The following ATR variants were observed in gnomAD, a reference collection of about 807,000 sequenced individuals.
ATR encodes serine/threonine-protein kinase ATR.
In ATR, 142 loss-of-function variants were observed where a neutral mutation model predicts 305.3. That is an observed-to-expected ratio of 0.47 (90% CI 0.41 to 0.53). The LOEUF (loss-of-function observed/expected upper bound fraction) is 0.53. ATR is among the 20% of genes least tolerant of loss of function. The pLI is 0.00. For missense variants in ATR, 2,135 were observed against 3,133.1 expected (o/e 0.68, Z 7.60); for synonymous variants, 1,050 against 1,068.1 (o/e 0.98, Z 0.33).
intron 36 of ATR, among the ~76,000 whole-genome samples, chr3:142,484,438 C>T (rs185871934): frequency 8.7e-4 from 133 of 152,304 alleles, no homozygotes; most frequent in Non-Finnish European, 1.7e-3. Flanking sequence ...ACCTCATCCA[C>T]GTGCCAGGAG....
intron 2 of ATR, 147 bp downstream of exon 2, chr3:142,567,916 C>T (rs1273442872): frequency 6.1e-6 from 4 of 658,226 alleles, no homozygotes; most frequent in African/African-American, 5.5e-5. Flanking sequence ...ATAAGCAATA[C>T]TGATTAACAA....
At chr3:142,549,849 C>T (rs1485818126) in intron 14 of ATR, among the ~76,000 whole-genome samples, 176 bp from the exon 15 acceptor site, 1 of 152,022 alleles carries the variant, frequency 6.6e-6, no homozygotes, top group Non-Finnish European at 1.5e-5. Context: ...TTTATTATTC[C>T]AACACCTTAG....
chr3:142,542,852 CCTAA>C, intron 16 of ATR, 95 bp from the exon 17 acceptor site: 2 of 1,035,446 alleles, frequency 1.9e-6, no homozygotes, highest in Non-Finnish European at 2.9e-6. Flanking sequence ...TTATATTTTA[CCTAA>C]CTAGATTAGC....
chr3:142,560,576 TG>T, intron 5 of ATR, 122 bp from the exon 6 acceptor site: 1 of 817,846 alleles, frequency 1.2e-6, no homozygotes, highest in Non-Finnish European at 1.9e-6. Flanking sequence ...TTTTTTTTTT[TG>T]TGAGACAGAG....
chr3:142,560,599 C>T, intron 5 of ATR, 145 bp from the exon 6 acceptor site: 1 of 640,406 alleles, frequency 1.6e-6, no homozygotes, highest in South Asian at 2.0e-5. Flanking sequence ...CTCACTCTGT[C>T]TCCCAGGCTG....
intron 1 of ATR, among the ~76,000 whole-genome samples, chr3:142,571,847 A>G (rs1037315684): frequency 6.6e-6 from 1 of 151,594 alleles, no homozygotes; most frequent in Non-Finnish European, 1.5e-5. Context: ...GCTCACTGCA[A>G]CCTCCGCCAC....
At chr3:142,463,645 C>A (rs1268944658) in intron 41 of ATR, among the ~76,000 whole-genome samples, 1 of 152,174 alleles carries the variant, frequency 6.6e-6, no homozygotes, top group Non-Finnish European at 1.5e-5. Context: ...GATCTGCCCG[C>A]CTCAGCTGGG....
chr3:142,542,580 T>A (rs1248761586), intron 17 of ATR, 85 bp downstream of exon 17: 3 of 1,215,522 alleles, frequency 2.5e-6, no homozygotes, highest in Non-Finnish European at 3.6e-6. Flanking sequence ...TTATTTCTCA[T>A]CTTTGAATGT....
intron 16 of ATR, among the ~76,000 whole-genome samples, chr3:142,544,187 G>A (rs2034171130): frequency 6.6e-6 from 1 of 151,960 alleles, no homozygotes; most frequent in South Asian, 2.1e-4. Flanking sequence ...GCTAGGTGTG[G>A]TGGCTCACGC....
At chr3:142,572,860 A>C (rs1460270467) in intron 1 of ATR, among the ~76,000 whole-genome samples, 6 of 152,182 alleles carry the variant, frequency 3.9e-5, no homozygotes, top group Non-Finnish European at 8.8e-5. Flanking sequence ...CAATGAATGA[A>C]TGGTTCATAA....
In ATR at chr3:142,516,580, G is replaced by A. The variant is rs1264862602; in HGVS notation, c.4383-1065C>T. ...CTCCATTGCCACTTTCAGCCAATGA[G>A]GTCATCTCCTATACCTCCTACTTCA... is the stretch of plus-strand genomic sequence containing the variant. On this transcript the variant is annotated intron_variant, in intron 24 of 46. Coordinates refer to ENST00000350721, the MANE Select transcript of ATR (RefSeq NM_001184.4). Among the ~76,000 whole-genome samples the A allele has an allele frequency of 6.6e-5, 10 of 152,202 alleles. No homozygotes were observed. The South Asian group carries it at 1.0e-3, about 16-fold the overall frequency.
chr3:142,541,240 A>T (rs1225381521), intron 17 of ATR, among the ~76,000 whole-genome samples: 2 of 152,112 alleles, frequency 1.3e-5, no homozygotes, highest in Non-Finnish European at 2.9e-5. Context: ...ATACAAGTTG[A>T]GTTCTTTTTT....
intron 13 of ATR, 28 bp downstream of exon 13, chr3:142,553,199 T>C (rs1435709311): frequency 1.9e-6 from 3 of 1,610,602 alleles, no homozygotes; most frequent in Non-Finnish European, 2.5e-6. Flanking sequence ...TGCTGTTGCC[T>C]ATAGTCCAGA....
intron 21 of ATR, 35 bp downstream of exon 21, chr3:142,535,045 T>C (rs1192901153): frequency 6.3e-7 from 1 of 1,577,374 alleles, no homozygotes; most frequent in Admixed American, 1.7e-5. Context: ...AATCTTTCTT[T>C]GTTATACATT....
rs1301303680 is a variant in ATR, at chr3:142,514,521, C to A, written c.4503+874G>T. ...TGGTGGTGGGCACCTGTAATCCCAGCCACTTGGGAGGCTGAGGCAGGAGAA... is the reference window on the plus strand; with the variant it reads ...TGGTGGTGGGCACCTGTAATCCCAGACACTTGGGAGGCTGAGGCAGGAGAA... On this transcript the variant is annotated intron_variant, in intron 25 of 46. Coordinates refer to ENST00000350721, the MANE Select transcript of ATR (RefSeq NM_001184.4). Among the ~76,000 whole-genome samples, 5 of 150,058 alleles carry A rather than the reference C, an allele frequency of 3.3e-5. No homozygotes were observed. In the South Asian group the frequency reaches 6.4e-4, roughly 19 times the overall value.
At chr3:142,511,322 TC>T (rs1490249990) in intron 27 of ATR, among the ~76,000 whole-genome samples, 1 of 152,178 alleles carries the variant, frequency 6.6e-6, no homozygotes, top group Admixed American at 6.5e-5. Context: ...GTTCATCATC[TC>T]ATTTATTCCT....
intron 35 of ATR, among the ~76,000 whole-genome samples, chr3:142,487,530 A>G (rs2031018226): frequency 6.6e-6 from 1 of 152,240 alleles, no homozygotes; most frequent in Admixed American, 6.5e-5. Context: ...GGTTTACTAT[A>G]TAGTATTCCA....
chr3:142,482,837 A>T lies in ATR; in HGVS notation c.6221+2303T>A, dbSNP rs1445756433. Among the ~76,000 whole-genome samples, 3 of 151,494 alleles carry T rather than the reference A, an allele frequency of 2.0e-5. No homozygotes were observed. The East Asian group carries it at 5.8e-4, about 29-fold the overall frequency. ...ACAGAGTGATACTTTGTCAATTAAA[A>T]AAAAAAAAAAAGAAGAACTGCCTTT... On this transcript the variant is annotated intron_variant, in intron 36 of 46. Coordinates refer to ENST00000350721, the MANE Select transcript of ATR (RefSeq NM_001184.4).
chr3:142,522,803 C>G lies in ATR; in HGVS notation c.4191G>C (p.Leu1397Phe), dbSNP rs2108395991. 1.2e-6 allele frequency: 2 copies of G among 1,612,396 alleles called. No individual in the cohort carries two copies. Among genetic ancestry groups the G allele is most frequent in the Non-Finnish European group, 1.7e-6 (2 of 1,179,184 alleles). Residue 1397 changes from leucine to phenylalanine, a missense_variant, in exon 23 of 47, where the codon TTG (leucine) becomes TTC (phenylalanine). By Grantham distance (22) the Leu-to-Phe change is conservative. This residue lies in a region of ATR where 530 missense variants were observed against 766.8 expected (regional missense o/e 0.69). Coordinates refer to ENST00000350721, the MANE Select transcript of ATR (RefSeq NM_001184.4). ...CAAGGTAAGCTCTTGTTAGCTCCAT[C>G]AATAATCCATAGGCAAAGCTTGAAT... Reference protein sequence around the residue: ...VEDSSFAYGLLMELTRAYLAY... With the variant: ...VEDSSFAYGLFMELTRAYLAY...
Sources: gnomAD v4.1 joint callset for allele counts (sites outside exome capture counted in the v4.1 genomes callset) on GRCh38, gnomAD v4.1.1 for gene constraint, gnomAD v4.1.1 regional missense constraint, MANE v1.5 for transcripts, NCBI Gene and HGNC (gene_info 2026-07-23, HGNC 2026-07-21) for gene names.